Variants in MYH7B observed in about 807,000 individuals in gnomAD.
MYH7B encodes myosin-7B.
MYH7B carries 205 observed loss-of-function variants against 234.5 expected under a neutral mutation model. The observed-to-expected ratio is 0.87, with a 90% CI of 0.78 to 0.98. MYH7B has a LOEUF of 0.98. MYH7B is among the 50% of genes least tolerant of loss of function. The probability of loss-of-function intolerance (pLI) is 0.00; values close to 1 mark genes in which losing one functional copy is unlikely to be tolerated. For missense variants in MYH7B, 2,652 were observed against 2,633.4 expected, an observed-to-expected ratio of 1.01 and a Z score of -0.15; for synonymous variants, 1,193 against 1,105.0, an observed-to-expected ratio of 1.08 and a Z score of -1.58.
At chr20:34,986,655 A>AG in intron 14 of MYH7B, among the ~76,000 whole-genome samples, 1 of 152,222 alleles carries the variant, frequency 6.6e-6, no homozygotes, top group African/African-American at 2.4e-5. Context: ...CCAGAAAAAG[A>AG]AGCCAGGGTC....
intron 43 of MYH7B, 42 bp from the exon 44 acceptor site, chr20:35,001,905 CT>C: frequency 5.0e-6 from 8 of 1,590,966 alleles, no homozygotes; most frequent in Non-Finnish European, 6.9e-6. Flanking sequence ...GAATAAGCAT[CT>C]CAGTCACCCA....
intron 2 of MYH7B, among the ~76,000 whole-genome samples, chr20:34,963,107 A>G (rs1220989884): frequency 1.3e-5 from 2 of 152,242 alleles, no homozygotes; most frequent in Non-Finnish European, 2.9e-5. Flanking sequence ...CAAAAAAAGA[A>G]GTCATAAATG....
At chr20:35,001,214 G>C in intron 41 of MYH7B, 31 bp from the exon 42 acceptor site, 2 of 1,606,004 alleles carry the variant, frequency 1.2e-6, no homozygotes, top group Non-Finnish European at 1.7e-6. Context: ...CCAGGGGTGG[G>C]CTTGGCATCA....
intron 2 of MYH7B, among the ~76,000 whole-genome samples, chr20:34,966,081 G>A (rs573008174): frequency 6.6e-6 from 1 of 152,102 alleles, no homozygotes; most frequent in South Asian, 2.1e-4. Context: ...AGAGGGTCGG[G>A]GGGTGGGGAG....
exon 8 of MYH7B, chr20:34,980,645 T>C: frequency 1.2e-6 from 2 of 1,614,200 alleles, no homozygotes; most frequent in South Asian, 1.1e-5. Context: ...ACGGCCTCCG[T>C]AGTGGCTGCT....
chr20:34,968,782 C>T (rs1402859253), intron 2 of MYH7B, among the ~76,000 whole-genome samples: 3 of 152,152 alleles, frequency 2.0e-5, no homozygotes, highest in Admixed American at 1.3e-4. Flanking sequence ...CCTTACACTG[C>T]GGCAGCCTAC....
At chr20:34,999,980 AGTCT>A in intron 38 of MYH7B, 74 bp downstream of exon 38, 1 of 1,353,936 alleles carries the variant, frequency 7.4e-7, no homozygotes, top group Non-Finnish European at 1.0e-6. Flanking sequence ...TCTGCTCTCT[AGTCT>A]GTCCCTCCCA....
chr20:34,971,906 C>T (rs912864489), intron 2 of MYH7B, among the ~76,000 whole-genome samples: 2 of 152,226 alleles, frequency 1.3e-5, no homozygotes, highest in African/African-American at 4.8e-5. Flanking sequence ...CTACCCAGTC[C>T]TGCCCCACTC....
At chr20:34,960,072 A>G (rs571843169) in intron 2 of MYH7B, among the ~76,000 whole-genome samples, 36 of 152,270 alleles carry the variant, frequency 2.4e-4, no homozygotes, top group Admixed American at 2.0e-3. Flanking sequence ...TGTTGAATCA[A>G]TTTCATCCTC....
At chr20:34,992,814 C>T (rs1014657755) in intron 24 of MYH7B, among the ~76,000 whole-genome samples, 1 of 152,200 alleles carries the variant, frequency 6.6e-6, no homozygotes, top group South Asian at 2.1e-4. Flanking sequence ...AAGCAATCCA[C>T]CCGCCTTGGC....
At chr20:34,988,235 G>A in exon 19 of MYH7B, 1 of 1,614,010 alleles carries the variant, frequency 6.2e-7, no homozygotes, top group Non-Finnish European at 8.5e-7. Flanking sequence ...GCCTTGACCT[G>A]CAGCCTTGCA....
At chr20:34,976,332 G>C (rs756480106) in intron 3 of MYH7B, among the ~76,000 whole-genome samples, 1 of 152,204 alleles carries the variant, frequency 6.6e-6, no homozygotes. Flanking sequence ...GGAGCGCATC[G>C]GTCGGAGGAC....
At chr20:34,964,135 T>TAC (rs1199732797) in intron 2 of MYH7B, among the ~76,000 whole-genome samples, 2 of 152,146 alleles carry the variant, frequency 1.3e-5, no homozygotes, top group African/African-American at 4.8e-5. Context: ...TACAAGGTAA[T>TAC]ACAAAGTTTC....
In MYH7B at chr20:34,982,451, C is replaced by T. The variant is rs774854153; in HGVS notation, c.528-8C>T. The T allele has an allele frequency of 6.2e-6, 10 of 1,613,420 alleles. No individual in the cohort carries two copies. Among genetic ancestry groups the T allele is most frequent in the South Asian group, 4.4e-5 (4 of 91,060 alleles). On this transcript the variant is annotated splice_polypyrimidine_tract_variant and splice_region_variant and intron_variant, in intron 9 of 44. Transcript: ENST00000262873. ...GGGCATTGGTGACTCATGTTTGTGT[C>T]GTCCAAGCGGAGAGTCGGGGGCCGG...
chr20:34,992,920 C>T (rs990209337), intron 24 of MYH7B, among the ~76,000 whole-genome samples, 182 bp from the exon 25 acceptor site: 1 of 152,118 alleles, frequency 6.6e-6, no homozygotes, highest in Non-Finnish European at 1.5e-5. Flanking sequence ...AGTGTGGTGA[C>T]GCATCCCTGG....
intron 5 of MYH7B, 95 bp from the exon 6 acceptor site, chr20:34,979,294 GT>G: frequency 3.2e-6 from 3 of 938,206 alleles, no homozygotes; most frequent in Non-Finnish European, 4.8e-6. Context: ...TTTGGGGAGG[GT>G]CACAGCTGTA....
chr20:34,987,516 T>G (rs1385537461), intron 16 of MYH7B, 41 bp from the exon 17 acceptor site: 2 of 1,516,862 alleles, frequency 1.3e-6, no homozygotes, highest in Admixed American at 1.8e-5. Context: ...TGAGTGCGCA[T>G]GGTGGTGTCC....
intron 2 of MYH7B, among the ~76,000 whole-genome samples, chr20:34,970,704 G>A (rs2081784841): frequency 6.6e-6 from 1 of 152,226 alleles, no homozygotes; most frequent in Non-Finnish European, 1.5e-5. Flanking sequence ...GGCACTCTAA[G>A]CAGTGAGGCC....
chr20:35,000,978 T>C lies in MYH7B; in HGVS notation c.5305-10T>C. The C allele has an allele frequency of 6.2e-7, 1 of 1,613,642 alleles. No individual in the cohort carries two copies. Among genetic ancestry groups the C allele is most frequent in the Non-Finnish European group, 8.5e-7 (1 of 1,179,890 alleles). On this transcript the variant is annotated splice_polypyrimidine_tract_variant and intron_variant, in intron 40 of 44. Coordinates refer to ENST00000262873, the Ensembl canonical transcript of MYH7B. ...GGCTGGGCACCTGACCAGCTCCTCC[T>C]CCCCAACAGGCGGCCATGATGGCCG...
Sources: gnomAD v4.1 joint callset for allele counts (sites outside exome capture counted in the v4.1 genomes callset) on GRCh38, gnomAD v4.1.1 for gene constraint, MANE v1.5 for transcripts, NCBI Gene and HGNC (gene_info 2026-07-23, HGNC 2026-07-21) for gene names.